SCN11A: variants seen among roughly 807,000 people sequenced by gnomAD.
The protein encoded by SCN11A is sodium voltage-gated channel alpha subunit 11.
SCN11A carries 122 observed loss-of-function variants against 162.2 expected under a neutral mutation model. The observed-to-expected ratio is 0.75, with a 90% CI of 0.65 to 0.87. The LOEUF is 0.87. Among genes scored for constraint, SCN11A ranks in the 40% least tolerant of loss-of-function variants. The pLI is 0.00. For missense variants in SCN11A, 2,015 were observed against 2,181.6 expected (o/e 0.92, Z 1.52); for synonymous variants, 758 against 751.5 (o/e 1.01, Z -0.14).
intron 2 of SCN11A, among the ~76,000 whole-genome samples, chr3:38,993,966 A>G (rs1431546872): frequency 6.6e-6 from 1 of 152,240 alleles, no homozygotes; most frequent in Non-Finnish European, 1.5e-5. Context: ...GCAGTCTCTT[A>G]GAGGGTCCCA....
intron 4 of SCN11A, among the ~76,000 whole-genome samples, chr3:38,951,816 T>G (rs2066623356): frequency 6.6e-6 from 1 of 152,142 alleles, no homozygotes. Flanking sequence ...AACCTTTGTA[T>G]CTAGCTCAGG....
chr3:38,951,999 A>C (rs969132025), intron 4 of SCN11A, among the ~76,000 whole-genome samples: 1 of 152,106 alleles, frequency 6.6e-6, no homozygotes, highest in Non-Finnish European at 1.5e-5. Flanking sequence ...TGCTCTTTGC[A>C]ATAAATCTTG....
intron 2 of SCN11A, among the ~76,000 whole-genome samples, chr3:39,017,366 CTATTTTCTCACTT>C (rs547136063): frequency 1.9e-3 from 286 of 152,338 alleles, no homozygotes; most frequent in Non-Finnish European, 3.2e-3. Context: ...ACCAAGGCAA[CTATTTTCTCACTT>C]ACATTGTTTC....
chr3:38,985,767 A>G (rs922685243), intron 2 of SCN11A, among the ~76,000 whole-genome samples: 9 of 150,954 alleles, frequency 6.0e-5, no homozygotes, highest in Admixed American at 6.6e-5. Context: ...CTGTGTAAGA[A>G]ATGACCTCAA....
intron 19 of SCN11A, among the ~76,000 whole-genome samples, chr3:38,890,110 G>A (rs1274086732): frequency 1.3e-5 from 2 of 152,124 alleles, no homozygotes; most frequent in Non-Finnish European, 2.9e-5. Flanking sequence ...CCACTCATAG[G>A]GCAGAGACTT....
intron 1 of SCN11A, among the ~76,000 whole-genome samples, chr3:39,034,137 G>A (rs184271091): frequency 1.1e-4 from 16 of 151,548 alleles, no homozygotes; most frequent in South Asian, 2.1e-4. Context: ...ATTCCAGCCT[G>A]GACAACAGAG....
At chr3:38,875,714 CACAA>C (rs1228660447) in intron 23 of SCN11A, among the ~76,000 whole-genome samples, 22 of 152,124 alleles carry the variant, frequency 1.4e-4, no homozygotes, top group Admixed American at 1.3e-3. Context: ...TCATCAATGA[CACAA>C]ACAAATGAAA....
intron 1 of SCN11A, among the ~76,000 whole-genome samples, chr3:39,051,301 A>G (rs1465717008): frequency 2.0e-5 from 3 of 151,788 alleles, no homozygotes; most frequent in Non-Finnish European, 4.4e-5. Flanking sequence ...GAAAGGCCCC[A>G]GTGTGTGTTG....
At chr3:38,847,825 TG>T (rs2064701807) in intron 29 of SCN11A, 83 bp from the exon 30 acceptor site, 7 of 771,410 alleles carry the variant, frequency 9.1e-6, no homozygotes, top group Non-Finnish European at 1.2e-5. Context: ...CAGAATCCTA[TG>T]GGGGCCAACT....
At chr3:38,943,890 G>C (rs1478661422) in intron 7 of SCN11A, among the ~76,000 whole-genome samples, 1 of 152,288 alleles carries the variant, frequency 6.6e-6, no homozygotes, top group South Asian at 2.1e-4. Context: ...AAATTCTAGT[G>C]TTCAATAGCA....
intron 28 of SCN11A, among the ~76,000 whole-genome samples, chr3:38,859,652 T>A (rs1196568471): frequency 6.6e-6 from 1 of 152,126 alleles, no homozygotes; most frequent in Non-Finnish European, 1.5e-5. Flanking sequence ...ACTGAGGAAA[T>A]TATGATAGTG....
At chr3:39,042,335 C>A (rs562468668) in intron 1 of SCN11A, among the ~76,000 whole-genome samples, 5 of 152,134 alleles carry the variant, frequency 3.3e-5, no homozygotes, top group Non-Finnish European at 7.3e-5. Context: ...TGTAAAGACA[C>A]ACATAGACTG....
At chr3:38,959,817 TGA>T (rs1167930704) in intron 3 of SCN11A, among the ~76,000 whole-genome samples, 1 of 152,224 alleles carries the variant, frequency 6.6e-6, no homozygotes, top group Non-Finnish European at 1.5e-5. Context: ...TTAATGAAAT[TGA>T]TCTCAATTCA....
At chr3:39,038,821 A>G (rs921310749) in intron 1 of SCN11A, among the ~76,000 whole-genome samples, 3 of 149,458 alleles carry the variant, frequency 2.0e-5, no homozygotes, top group Non-Finnish European at 4.4e-5. Flanking sequence ...GAAAAGTGAA[A>G]ACACATAAAA....
chr3:39,001,486 A>T (rs574505280), intron 2 of SCN11A, among the ~76,000 whole-genome samples: 3 of 152,334 alleles, frequency 2.0e-5, no homozygotes, highest in Non-Finnish European at 4.4e-5. Context: ...ATAATATTCT[A>T]TTGGATGTAT....
At chr3:39,024,635 T>C (rs1182685881) in intron 2 of SCN11A, among the ~76,000 whole-genome samples, 1 of 152,210 alleles carries the variant, frequency 6.6e-6, no homozygotes, top group Non-Finnish European at 1.5e-5. Flanking sequence ...TTCCTCTACC[T>C]TTCTGTGTAA....
At chr3:38,963,392 A>AT (rs2066757459) in intron 2 of SCN11A, among the ~76,000 whole-genome samples, 1 of 56,494 alleles carries the variant, frequency 1.8e-5, no homozygotes, top group Non-Finnish European at 3.0e-5. Context: ...TATATGATGG[A>AT]GATATATATA....
chr3:39,021,614 G>A (rs1181265363), intron 2 of SCN11A, among the ~76,000 whole-genome samples: 8 of 152,140 alleles, frequency 5.3e-5, no homozygotes, highest in Non-Finnish European at 1.0e-4. Flanking sequence ...AATCTTAACC[G>A]AAGTTTGGTT....
chr3:38,931,870 T>C (rs1355939745), intron 7 of SCN11A, among the ~76,000 whole-genome samples: 1 of 152,188 alleles, frequency 6.6e-6, no homozygotes, highest in Non-Finnish European at 1.5e-5. Context: ...AAATATTAGA[T>C]AAGCCATTCC....
Sources: allele counts gnomAD v4.1 joint callset (sites outside exome capture counted in the v4.1 genomes callset), GRCh38; gene constraint gnomAD v4.1.1; transcripts MANE v1.5; gene names NCBI Gene and HGNC (gene_info 2026-07-23, HGNC 2026-07-21).